The following KCTD2 variants were observed in gnomAD, a reference collection of about 807,000 sequenced individuals.
KCTD2 encodes BTB/POZ domain-containing protein KCTD2.
Under a neutral mutation model 27.9 loss-of-function variants are expected in KCTD2, and 18 were observed. That is an observed-to-expected ratio of 0.64 (90% CI 0.45 to 0.96). The LOEUF (loss-of-function observed/expected upper bound fraction) is 0.96. Ranked by LOEUF, KCTD2 falls within the 40% of genes least tolerant of loss-of-function variation. KCTD2 has a pLI of 0.00. For synonymous variants in KCTD2, 175 were observed against 148.4 expected (o/e 1.18, Z -1.30); for missense variants, 280 against 348.0 (o/e 0.80, Z 1.56).
rs35059350 is a variant in KCTD2, at chr17:75,051,583, C to CT, written c.449-1419dup. On this transcript the variant is annotated intron_variant, in intron 2 of 5. Coordinates refer to ENST00000322444, the MANE Select transcript of KCTD2 (RefSeq NM_015353.3). ...ACAGGCGTGAGCCACCATGCCCGACCTTTTTTTTTTTTAAATCATATTTGC... is the reference window on the plus strand; with the variant it reads ...ACAGGCGTGAGCCACCATGCCCGACCTTTTTTTTTTTTTAAATCATATTTGC... Among the ~76,000 whole-genome samples the CT allele has an allele frequency of 9.6e-4, 141 of 146,238 alleles. 1 individual carries two copies. Among genetic ancestry groups the CT allele is most frequent in the African/African-American group, 2.6e-3 (104 of 39,880 alleles).
At chr17:75,060,626 T>A (rs1163929812) in intron 4 of KCTD2, 2 of 1,581,912 alleles carry the variant, frequency 1.3e-6, no homozygotes, top group Non-Finnish European at 1.7e-6. Flanking sequence ...GGTTCATGGC[T>A]GGGCGCGTGG....
intron 3 of KCTD2, among the ~76,000 whole-genome samples, chr17:75,055,920 A>G (rs2073345799): frequency 6.6e-6 from 1 of 151,924 alleles, no homozygotes; most frequent in African/African-American, 2.4e-5. Context: ...AATCCCAGCT[A>G]CTTGGGAGGC....
intron 1 of KCTD2, among the ~76,000 whole-genome samples, chr17:75,048,381 A>G (rs2073250313): frequency 6.6e-6 from 1 of 152,132 alleles, no homozygotes; most frequent in Non-Finnish European, 1.5e-5. Context: ...GGCACTGACC[A>G]TAACTCACAC....
intron 3 of KCTD2, 104 bp from the exon 4 acceptor site, chr17:75,059,406 A>G (rs1174433081): frequency 3.2e-6 from 2 of 616,550 alleles, no homozygotes; most frequent in South Asian, 3.6e-5. Context: ...AAGATTTCCA[A>G]GCAAACTCCT....
chr17:75,033,142 T>G (rs1295725428), intron 1 of KCTD2: 2 of 151,992 alleles, frequency 1.3e-5, no homozygotes, highest in Non-Finnish European at 2.9e-5. Flanking sequence ...TTTTTTTTCT[T>G]TTTTTCAAAT....
intron 1 of KCTD2, among the ~76,000 whole-genome samples, chr17:75,033,504 G>A (rs1452154892): frequency 1.3e-5 from 2 of 152,046 alleles, no homozygotes; most frequent in African/African-American, 4.8e-5. Context: ...CAATATTCAT[G>A]ATTAATACTT....
intron 3 of KCTD2, among the ~76,000 whole-genome samples, chr17:75,057,840 C>T (rs1404011090): frequency 6.6e-6 from 1 of 151,330 alleles, no homozygotes; most frequent in Non-Finnish European, 1.5e-5. Flanking sequence ...GGATTATAGG[C>T]GTGAGTCACT....
chr17:75,036,756 G>A (rs1158344272), intron 3 of KCTD2, among the ~76,000 whole-genome samples: 4 of 152,344 alleles, frequency 2.6e-5, no homozygotes, highest in African/African-American at 9.6e-5. Flanking sequence ...ATCCTCAGCG[G>A]GATGGCTGAG....
chr17:75,041,556 G>C (rs1367389147), intron 3 of KCTD2: 1 of 152,588 alleles, frequency 6.6e-6, no homozygotes, highest in Non-Finnish European at 1.5e-5. Context: ...GAGCTTGGGA[G>C]GCAGAGGCTG....
intron 5 of KCTD2, among the ~76,000 whole-genome samples, chr17:75,062,461 G>C (rs141984042): frequency 6.6e-6 from 1 of 152,148 alleles, no homozygotes; most frequent in East Asian, 1.9e-4. Flanking sequence ...ACCTAAAAAG[G>C]GTAGACTTTC....
intron 3 of KCTD2, chr17:75,039,007 A>C (rs2073129669): frequency 6.2e-7 from 1 of 1,614,040 alleles, no homozygotes; most frequent in Non-Finnish European, 8.5e-7. Context: ...GGAAAGCTTC[A>C]TTCAAGTCCT....
At chr17:75,052,911 A>G (rs1235445067) in intron 2 of KCTD2, 103 bp from the exon 3 acceptor site, 46 of 859,082 alleles carry the variant, frequency 5.4e-5, no homozygotes, top group Non-Finnish European at 9.9e-6. Flanking sequence ...AAGTAAATAA[A>G]TAAATAAGCA....
At chr17:75,047,006 C>T (rs552433448), upstream of KCTD2, 164 of 217,396 alleles carry the variant, frequency 7.5e-4, no homozygotes, top group African/African-American at 3.7e-3. Context: ...CAGCCAACCC[C>T]AAAGCCAAGG....
At chr17:75,033,646 A>G (rs2040083940) in intron 1 of KCTD2, among the ~76,000 whole-genome samples, 1 of 152,202 alleles carries the variant, frequency 6.6e-6, no homozygotes, top group South Asian at 2.1e-4. Context: ...TTCATACCCC[A>G]TGGTCCGGGT....
intron 3 of KCTD2, chr17:75,038,817 G>A: frequency 7.9e-7 from 1 of 1,264,436 alleles, no homozygotes; most frequent in Non-Finnish European, 1.1e-6. Flanking sequence ...CAGCTCAGAA[G>A]AGAGGCTTAA....
At chr17:75,043,421 G>C (rs1160675667), upstream of KCTD2, among the ~76,000 whole-genome samples, 5 of 152,140 alleles carry the variant, frequency 3.3e-5, no homozygotes, top group Admixed American at 2.0e-4. Flanking sequence ...AGACCAGCCT[G>C]AGCAATAGGG....
At chr17:75,055,170 T>G (rs921310884) in intron 3 of KCTD2, among the ~76,000 whole-genome samples, 1 of 152,018 alleles carries the variant, frequency 6.6e-6, no homozygotes, top group Non-Finnish European at 1.5e-5. Context: ...TTCTCATGTC[T>G]CAGCCACCTG....
chr17:75,063,060 A>G lies in KCTD2; in HGVS notation c.*13A>G. On this transcript the variant is annotated 3_prime_UTR_variant, in exon 6 of 6. Transcript: ENST00000322444. ...ATCGCGGATGTAAACTAAGACCCCG[A>G]AAACTCCAGACCTTCAGGAGAGCAG... 6.2e-7 allele frequency: 1 copy of G among 1,613,462 alleles called. No homozygotes were observed. Among genetic ancestry groups the G allele is most frequent in the Non-Finnish European group, 8.5e-7 (1 of 1,179,546 alleles).
chr17:75,052,567 CA>C, intron 2 of KCTD2, among the ~76,000 whole-genome samples: 1 of 152,270 alleles, frequency 6.6e-6, no homozygotes, highest in South Asian at 2.1e-4. Flanking sequence ...ACTAAAAATA[CA>C]AAAAATTAGC....
Sources: allele counts gnomAD v4.1 joint callset (sites outside exome capture counted in the v4.1 genomes callset), GRCh38; gene constraint gnomAD v4.1.1; transcripts MANE v1.5; gene names NCBI Gene and HGNC (gene_info 2026-07-23, HGNC 2026-07-21).